ALS2: variants seen among roughly 807,000 people sequenced by gnomAD.
ALS2 encodes the protein alsin.
In ALS2, 117 loss-of-function variants were observed where a neutral mutation model predicts 203.4. That is an observed-to-expected ratio of 0.58 (90% CI 0.50 to 0.67). The LOEUF is 0.67. Among genes scored for constraint, ALS2 ranks in the 30% least tolerant of loss-of-function variants. The probability of loss-of-function intolerance (pLI) is 0.00; values close to 1 mark genes in which losing one functional copy is unlikely to be tolerated. For missense variants in ALS2, 1,715 were observed against 1,989.4 expected, an observed-to-expected ratio of 0.86 and a Z score of 2.62; for synonymous variants, 718 against 725.9, an observed-to-expected ratio of 0.99 and a Z score of 0.17.
chr2:201,715,840 C>CT lies in ALS2; in HGVS notation c.3837-2dup. The CT allele has an allele frequency of 6.2e-7, 1 of 1,614,194 alleles. No individual in the cohort carries two copies. The highest frequency in any genetic ancestry group is 8.5e-7 in the Non-Finnish European group (1 of 1,180,022). On this transcript the variant is annotated splice_acceptor_variant, in intron 24 of 33. Coordinates refer to ENST00000264276, the MANE Select transcript of ALS2 (RefSeq NM_020919.4). LOFTEE classifies it high-confidence loss of function. ...CACTGCCAGGTTTCCTAGCTTCCTG[C>CT]TAATAAAGTCATATCAACCTTTTAT...
Position 201,746,604 on chromosome 2 carries a change from T to C in ALS2, c.1960A>G (p.Ser654Gly), listed in dbSNP as rs61757690. ...TEGDNLPENHSGSKTPVLLSC... is the reference protein window; with the variant it reads ...TEGDNLPENHGGSKTPVLLSC... ...AGAAGTACTGGAGTCTTAGAACCACTGTGATTCTCTGGAAGGTTGTCACCT... is the reference window on the plus strand; with the variant it reads ...AGAAGTACTGGAGTCTTAGAACCACCGTGATTCTCTGGAAGGTTGTCACCT... The change falls in exon 9 of 34, where the codon AGT becomes GGT. Residue 654 changes from serine to glycine, a missense_variant. By Grantham distance (56) the Ser-to-Gly change is moderately conservative. Transcript: ENST00000264276. 51 of 1,614,196 alleles carry C rather than the reference T, an allele frequency of 3.2e-5. No homozygotes were observed. The highest frequency in any genetic ancestry group is 4.2e-5 in the Non-Finnish European group (49 of 1,180,026).
At position 201,704,562 on chromosome 2, in the gene ALS2, T is replaced by A; in HGVS notation, c.4730A>T (p.Gln1577Leu). 1.9e-6 allele frequency: 3 copies of A among 1,614,172 alleles called. No homozygotes were observed. Among genetic ancestry groups the A allele is most frequent in the Non-Finnish European group, 2.5e-6 (3 of 1,180,014 alleles). ...TPSDKLKVIQ[Q>L]TFEEISQSVL... ...ACTCTGAGAGATCTCCTCAAAAGTC[T>A]GCTGGATGACCTTAAGTTTGTCTGA... Residue 1577 changes from glutamine (Q) to leucine (L), a missense_variant, in exon 32 of 34, where the codon CAG (glutamine) becomes CTG (leucine). Coordinates refer to ENST00000264276, the MANE Select transcript of ALS2 (RefSeq NM_020919.4).
intron 9 of ALS2, 73 bp from the exon 10 acceptor site, chr2:201,744,502 C>A: frequency 7.0e-7 from 1 of 1,432,980 alleles, no homozygotes; most frequent in Non-Finnish European, 9.7e-7. Flanking sequence ...CTGAAGCTGG[C>A]TTATATCAGC....
Position 201,771,602 on chromosome 2 carries a change from G to A in ALS2, c.-60-2657C>T, listed in dbSNP as rs1214979884. Among the ~76,000 whole-genome samples, 5 of 152,230 alleles carry A rather than the reference G, an allele frequency of 3.3e-5. No individual in the cohort carries two copies. The Middle Eastern group carries it at 0.01, about 311-fold the overall frequency. ...CTTTCTCAATTACGTATCCATCCAG[G>A]AAAAGAAAGTAAATGAAAAACTTTT... On this transcript the variant is annotated intron_variant, in intron 1 of 33. Coordinates refer to ENST00000264276, the MANE Select transcript of ALS2 (RefSeq NM_020919.4).
At chr2:201,773,101 C>T (rs1694484528) in intron 1 of ALS2, among the ~76,000 whole-genome samples, 1 of 152,074 alleles carries the variant, frequency 6.6e-6, no homozygotes, top group African/African-American at 2.4e-5. Flanking sequence ...ACCTTGTGAC[C>T]TGCCCACCTT....
intron 4 of ALS2, chr2:201,760,079 T>C: frequency 1.1e-6 from 1 of 904,954 alleles, no homozygotes; most frequent in Non-Finnish European, 1.3e-6. Flanking sequence ...TCTCAACACT[T>C]TGGGAGGCTG....
intron 3 of ALS2, 52 bp downstream of exon 3, chr2:201,767,177 A>G: frequency 6.2e-7 from 1 of 1,611,364 alleles, no homozygotes; most frequent in Non-Finnish European, 8.5e-7. Flanking sequence ...TTCCACACTC[A>G]GGCATTTGTT....
rs747774956 is a variant in ALS2 at position 201,754,632 on chromosome 2, G to T, written c.1511C>A (p.Thr504Lys). 1.9e-6 allele frequency: 3 copies of T among 1,613,952 alleles called. No homozygotes were observed. The highest frequency in any genetic ancestry group is 2.7e-5 in the African/African-American group (2 of 74,888). Residue 504 changes from threonine to lysine, a missense_variant, in exon 6 of 34, where the codon ACG becomes AAG. This residue lies in a region of ALS2 where 1,227 missense variants were observed against 1,413.5 expected (regional missense o/e 0.87). Transcript: ENST00000264276. ...TGTGGGGGTCAGAACCACTGTCCTCGTTTTCACCCGTGCAGCCTTTCTTAA... is the reference window on the plus strand; with the variant it reads ...TGTGGGGGTCAGAACCACTGTCCTCTTTTTCACCCGTGCAGCCTTTCTTAA... ...RLLRKAARVK[T>K]RTVVLTPTYS...
At position 201,718,357 on chromosome 2, in the gene ALS2, T is replaced by G. The variant is rs936412364; in HGVS notation, c.3703-147A>C. ...TCACTGCAACCTCCGCTTCCTGGGTTAAAGTGATCCTCCTGCCTCAGCCTC... is the reference window on the plus strand; with the variant it reads ...TCACTGCAACCTCCGCTTCCTGGGTGAAAGTGATCCTCCTGCCTCAGCCTC... On this transcript the variant is annotated intron_variant, in intron 23 of 33. Transcript: ENST00000264276. 3.4e-6 allele frequency: 3 copies of G among 877,084 alleles called. No individual in the cohort carries two copies. The African/African-American group carries it at 5.0e-5, about 15-fold the overall frequency. 54.3% of individuals were successfully genotyped at this position (877,084 alleles called of 1,614,324 possible).
chr2:201,729,456 G>A (rs916796518), intron 13 of ALS2, among the ~76,000 whole-genome samples: 1 of 152,166 alleles, frequency 6.6e-6, no homozygotes, highest in Admixed American at 6.5e-5. Context: ...CCCCAGGATA[G>A]AGCAGGAGTT....
chr2:201,729,106 C>T lies in ALS2; in HGVS notation c.2658G>A (p.Arg886=). The T allele has an allele frequency of 6.2e-7, 1 of 1,614,042 alleles. No homozygotes were observed. The highest frequency in any genetic ancestry group is 8.5e-7 in the Non-Finnish European group (1 of 1,180,014). The part of the protein sequence containing the change: ...ECLALHLGRK[R]KEAEYTLGFW... ...AGCCCAGTGTGTATTCTGCTTCCTT[C>T]CTTTTCCTGCCGAGATGGAGAGCAA... Residue 886 remains arginine (R), a synonymous_variant, in exon 14 of 34, where the codon AGG becomes AGA. Transcript: ENST00000264276.
chr2:201,748,344 A>G (rs1299855188), intron 8 of ALS2, among the ~76,000 whole-genome samples: 5 of 152,264 alleles, frequency 3.3e-5, no homozygotes, highest in African/African-American at 1.2e-4. Flanking sequence ...TTGCAAAAGG[A>G]GTCTTCTTCC....
At chr2:201,708,124 A>G (rs1689840372) in intron 27 of ALS2, 133 bp from the exon 28 acceptor site, 1 of 765,798 alleles carries the variant, frequency 1.3e-6, no homozygotes, top group Non-Finnish European at 2.1e-6. Flanking sequence ...GAGAAAACTG[A>G]TGTTTCTAAC....
At chr2:201,705,069 A>G (rs371130591) in intron 31 of ALS2, 70 bp downstream of exon 31, 2 of 1,404,180 alleles carry the variant, frequency 1.4e-6, no homozygotes, top group African/African-American at 2.9e-5. Context: ...AGATAAGATC[A>G]TATTAATAAT....
intron 17 of ALS2, 121 bp downstream of exon 17, chr2:201,727,091 A>T: frequency 5.6e-6 from 6 of 1,067,096 alleles, no homozygotes; most frequent in Non-Finnish European, 7.1e-6. Flanking sequence ...GTTAATGAAG[A>T]TTTATCAGAC....
At chr2:201,772,026 C>T (rs1416821259) in intron 1 of ALS2, among the ~76,000 whole-genome samples, 1 of 152,180 alleles carries the variant, frequency 6.6e-6, no homozygotes, top group Non-Finnish European at 1.5e-5. Flanking sequence ...TCTTCTGAAC[C>T]GCAGGACACA....
rs375207651 is a variant in ALS2 at position 201,744,079 on chromosome 2, G to A, written c.2170+179C>T. Among the ~76,000 whole-genome samples the A allele has an allele frequency of 1.8e-3, 273 of 152,312 alleles. 1 individual carries two copies. The highest frequency in any genetic ancestry group is 6.3e-3 in the African/African-American group (262 of 41,550). On this transcript the variant is annotated intron_variant, in intron 10 of 33. Coordinates refer to ENST00000264276, the MANE Select transcript of ALS2 (RefSeq NM_020919.4). ...AGTGGTAGGACAGGGCAGGGGCAGTGAGGCTATTGACAAATTGGAAACAGT... is the reference window on the plus strand; with the variant it reads ...AGTGGTAGGACAGGGCAGGGGCAGTAAGGCTATTGACAAATTGGAAACAGT...
chr2:201,775,654 C>G (rs116238380), intron 1 of ALS2, among the ~76,000 whole-genome samples: 8 of 152,250 alleles, frequency 5.3e-5, no homozygotes, highest in African/African-American at 1.4e-4. Flanking sequence ...CCTTGGCCAA[C>G]TAACCACCAA....
At position 201,701,724 on chromosome 2, in the gene ALS2, T is replaced by C. The variant is rs1689403430; in HGVS notation, c.*127A>G. ...CTCTTATTATTGGTAAGGCTCATTC[T>C]AACAACCTAAATAACACAAAGTCCT... On this transcript the variant is annotated 3_prime_UTR_variant, in exon 34 of 34. Coordinates refer to ENST00000264276, the MANE Select transcript of ALS2 (RefSeq NM_020919.4). The C allele has an allele frequency of 1.1e-6, 1 of 903,564 alleles. No homozygotes were observed. Among genetic ancestry groups the C allele is most frequent in the Non-Finnish European group, 1.8e-6 (1 of 555,470 alleles). 56.0% of individuals were successfully genotyped at this position (903,564 alleles called of 1,614,324 possible). A position where few individuals can be genotyped will look rare whatever the true frequency, so the allele number is the denominator to read the frequency against.
Sources: gnomAD v4.1 joint callset for allele counts (sites outside exome capture counted in the v4.1 genomes callset) on GRCh38, gnomAD v4.1.1 for gene constraint, gnomAD v4.1.1 regional missense constraint, MANE v1.5 for transcripts, NCBI Gene and HGNC (gene_info 2026-07-23, HGNC 2026-07-21) for gene names.